Variants in FYCO1 observed in about 807,000 individuals in gnomAD.
FYCO1 encodes FYVE and coiled-coil domain autophagy adaptor 1, also known as FYVE and coiled-coil domain-containing protein 1.
FYCO1 carries 122 observed loss-of-function variants against 165.1 expected under a neutral mutation model. The ratio of observed to expected loss-of-function variants is 0.74; its 90% CI spans 0.64 to 0.86. FYCO1 has a LOEUF of 0.86. Ranked by LOEUF, FYCO1 falls within the 40% of genes least tolerant of loss-of-function variation. The pLI, the probability that FYCO1 is intolerant of heterozygous loss-of-function variation, is 0.00. For synonymous variants in FYCO1, 648 were observed against 742.5 expected (o/e 0.87, Z 2.07); for missense variants, 1,702 against 1,810.3 (o/e 0.94, Z 1.09).
At chr3:45,924,048 C>G (rs1238493021) in intron 16 of FYCO1, among the ~76,000 whole-genome samples, 2 of 152,176 alleles carry the variant, frequency 1.3e-5, no homozygotes, top group Non-Finnish European at 2.9e-5. Flanking sequence ...CTAGAACACT[C>G]CATGGGCTAA....
chr3:45,995,282 T>C (rs1009256397), intron 1 of FYCO1, among the ~76,000 whole-genome samples: 4 of 152,198 alleles, frequency 2.6e-5, no homozygotes, highest in African/African-American at 9.6e-5. Context: ...AGCGGAGTCT[T>C]GCAAAGTGAA....
rs1179212976 is a variant in FYCO1, at chr3:45,967,106, A to T, written c.2228T>A (p.Leu743Gln). 15 of 1,613,752 alleles carry T rather than the reference A, an allele frequency of 9.3e-6. No homozygotes were observed. Among genetic ancestry groups the T allele is most frequent in the Non-Finnish European group, 1.3e-5 (15 of 1,179,942 alleles). The change falls in exon 8 of 18, where the codon CTG becomes CAG. Residue 743 changes from leucine (L) to glutamine (Q), a missense_variant. Physicochemically the swap from Leu to Gln is moderately radical, Grantham distance 113. Coordinates refer to ENST00000296137, the MANE Select transcript of FYCO1 (RefSeq NM_024513.4). ...TTTCTCTGCTGTGAGGACCTCAATC[A>T]GCTGGGTCTGCTGCTGGCACTGGCT... ...LESQCQQQTQ[L>Q]IEVLTAEKGQ...
intron 2 of FYCO1, 152 bp from the exon 3 acceptor site, chr3:45,981,828 C>G (rs1017127028): frequency 1.2e-5 from 8 of 686,962 alleles, no homozygotes; most frequent in Middle Eastern, 7.4e-4. Flanking sequence ...TGAGATATAA[C>G]TCCAAGTCAG....
chr3:45,991,138 G>C (rs1707543485), intron 1 of FYCO1, among the ~76,000 whole-genome samples: 1 of 152,162 alleles, frequency 6.6e-6, no homozygotes, highest in South Asian at 2.1e-4. Flanking sequence ...CCTTTATTGA[G>C]CATAAATTAT....
chr3:45,942,861 G>A (rs543507973), intron 14 of FYCO1, among the ~76,000 whole-genome samples: 9 of 152,328 alleles, frequency 5.9e-5, no homozygotes, highest in African/African-American at 1.7e-4. Context: ...GGGCTTAGGA[G>A]GTGGGGCTGC....
chr3:45,958,695 G>T, intron 12 of FYCO1, 76 bp from the exon 13 acceptor site: 1 of 1,409,262 alleles, frequency 7.1e-7, no homozygotes, highest in South Asian at 1.2e-5. Context: ...CCCAAACTGG[G>T]CTCTGGATGC....
chr3:45,965,264 T>G (rs1705942549), intron 8 of FYCO1, 139 bp from the exon 9 acceptor site: 3 of 669,090 alleles, frequency 4.5e-6, no homozygotes, highest in Non-Finnish European at 7.9e-6. Context: ...GAGCTTTGGG[T>G]TTATTAATAG....
At chr3:45,974,360 G>A (rs1706610567) in intron 5 of FYCO1, among the ~76,000 whole-genome samples, 1 of 152,164 alleles carries the variant, frequency 6.6e-6, no homozygotes, top group African/African-American at 2.4e-5. Context: ...GCAAAAAAGT[G>A]GGACATTATT....
rs770684621 is a variant in FYCO1 at position 45,923,748 on chromosome 3, G to C, written c.4269C>G (p.Thr1423=). ...TGTTCTCCTTGTGGGAGTTGCATCG[G>C]GTCGTGGGAATGAGGACCTGGGAGG... ...LDQCKVLIPT[T]RCNSHKENIQ... The change falls in exon 17 of 18, where the codon ACC becomes ACG. Residue 1423 remains threonine, a synonymous_variant. Transcript: ENST00000296137. The C allele has an allele frequency of 6.2e-7, 1 of 1,614,006 alleles. No individual in the cohort carries two copies. The highest frequency in any genetic ancestry group is 8.5e-7 in the Non-Finnish European group (1 of 1,179,884).
At chr3:45,969,829 G>T in intron 6 of FYCO1, 64 bp from the exon 7 acceptor site, 1 of 1,396,306 alleles carries the variant, frequency 7.2e-7, no homozygotes. Flanking sequence ...TGGAGGCCTT[G>T]CTGGTCACTA....
chr3:45,947,730 A>C, intron 14 of FYCO1: 1 of 553,384 alleles, frequency 1.8e-6, no homozygotes, highest in East Asian at 3.0e-5. Flanking sequence ...AAAATTTTTA[A>C]GGACTTTCCT....
At position 45,927,422 on chromosome 3, in the gene FYCO1, T is replaced by C. The variant is rs189102922; in HGVS notation, c.4251+3649A>G. On this transcript the variant is annotated intron_variant, in intron 16 of 17. Coordinates refer to ENST00000296137, the MANE Select transcript of FYCO1 (RefSeq NM_024513.4). Reference sequence around the variant, plus strand: ...AAACTAAATAACAAATTCAAACGTGTGGATCGAAGGGAAATCAAAAGGGGA... The same window carrying C: ...AAACTAAATAACAAATTCAAACGTGCGGATCGAAGGGAAATCAAAAGGGGA... 3.9e-5 allele frequency among the ~76,000 whole-genome samples: 6 copies of C among 152,270 alleles called. No individual in the cohort carries two copies. The East Asian group carries it at 1.2e-3, about 29-fold the overall frequency.
chr3:45,949,031 C>T (rs939307278), intron 14 of FYCO1, among the ~76,000 whole-genome samples: 2 of 152,146 alleles, frequency 1.3e-5, no homozygotes, highest in Non-Finnish European at 2.9e-5. Context: ...AATGGAAGCC[C>T]TCCATGTCAG....
At position 45,921,752 on chromosome 3, in the gene FYCO1, T is replaced by C; in HGVS notation, c.*13A>G. 6.4e-7 allele frequency: 1 copy of C among 1,559,218 alleles called. No individual in the cohort carries two copies. The highest frequency in any genetic ancestry group is 8.9e-7 in the Non-Finnish European group (1 of 1,129,874). Reference sequence around the variant, plus strand: ...TTTCCTGTGGATGAAGTGAAGTTACTGAGGTGCTGAAGCTACAGGAAATCA... The same window carrying C: ...TTTCCTGTGGATGAAGTGAAGTTACCGAGGTGCTGAAGCTACAGGAAATCA... On this transcript the variant is annotated 3_prime_UTR_variant, in exon 18 of 18. Coordinates refer to ENST00000296137, the MANE Select transcript of FYCO1 (RefSeq NM_024513.4).
In FYCO1 at chr3:45,918,077, G is replaced by T. The variant is rs1047501; in HGVS notation, c.*3688C>A. The T allele has an allele frequency of 6.5e-6, 1 of 152,704 alleles. No individual in the cohort carries two copies. The highest frequency in any genetic ancestry group is 6.5e-5 in the Admixed American group (1 of 15,308). 9.5% of individuals were successfully genotyped at this position (152,704 alleles called of 1,614,324 possible). On this transcript the variant is annotated 3_prime_UTR_variant, in exon 18 of 18. Transcript: ENST00000296137. ...TTCTAGATAATTCTTTGGCAGATAA[G>T]AATGAATTGGGGTCCCAGACCCACC...
In FYCO1 at chr3:45,931,067, T is replaced by A; in HGVS notation, c.4251+4A>T. The A allele has an allele frequency of 6.2e-7, 1 of 1,612,896 alleles. No individual in the cohort carries two copies. The highest frequency in any genetic ancestry group is 8.5e-7 in the Non-Finnish European group (1 of 1,179,660). On this transcript the variant is annotated splice_donor_region_variant and intron_variant, in intron 16 of 17. Coordinates refer to ENST00000296137, the MANE Select transcript of FYCO1 (RefSeq NM_024513.4). ...GAGCCCACAGGCAGGGAGCCCAGCC[T>A]TACCTTACACTGATCCAGCGGTGTG...
chr3:45,934,709 A>T (rs1467149317), intron 15 of FYCO1, among the ~76,000 whole-genome samples: 1 of 152,228 alleles, frequency 6.6e-6, no homozygotes. Context: ...TTATCAATTG[A>T]TGTAGAAAAA....
chr3:45,940,394 C>A (rs966541405), intron 14 of FYCO1, among the ~76,000 whole-genome samples: 4 of 152,314 alleles, frequency 2.6e-5, no homozygotes, highest in Admixed American at 1.3e-4. Context: ...CACTAAGAGG[C>A]AAAATGGCAG....
intron 2 of FYCO1, 107 bp downstream of exon 2, chr3:45,984,749 C>A: frequency 8.8e-7 from 1 of 1,139,112 alleles, no homozygotes; most frequent in Non-Finnish European, 1.3e-6. Context: ...TCCAATTACT[C>A]GTTGTGTGAA....
Sources: gnomAD v4.1 joint callset for allele counts (sites outside exome capture counted in the v4.1 genomes callset) on GRCh38, gnomAD v4.1.1 for gene constraint, MANE v1.5 for transcripts, NCBI Gene and HGNC (gene_info 2026-07-23, HGNC 2026-07-21) for gene names.